The following EPHA6 variants were observed in gnomAD, a reference collection of about 807,000 sequenced individuals.
The protein encoded by EPHA6 is EPH receptor A6.
A neutral mutation model predicts 112.0 loss-of-function variants in EPHA6; 50 were observed. That is an observed-to-expected ratio of 0.45 (90% CI 0.36 to 0.56). EPHA6 has a LOEUF of 0.56. Ranked by LOEUF, EPHA6 falls within the 20% of genes least tolerant of loss-of-function variation. The pLI, the probability that EPHA6 is intolerant of heterozygous loss-of-function variation, is 0.00. For missense variants in EPHA6, 1,280 were observed against 1,417.4 expected, an observed-to-expected ratio of 0.90 and a Z score of 1.56; for synonymous variants, 529 against 490.7, an observed-to-expected ratio of 1.08 and a Z score of -1.03.
intron 6 of EPHA6, among the ~76,000 whole-genome samples, chr3:97,410,118 A>C (rs991372301): frequency 1.3e-5 from 2 of 152,192 alleles, no homozygotes; most frequent in Non-Finnish European, 1.5e-5. Flanking sequence ...TTGAAGTCTT[A>C]GTGTCTTTTC....
At chr3:97,695,961 T>C (rs1213137458) in intron 14 of EPHA6, among the ~76,000 whole-genome samples, 1 of 152,236 alleles carries the variant, frequency 6.6e-6, no homozygotes, top group East Asian at 1.9e-4. Context: ...ATCACTTTTC[T>C]TATAGAATCT....
Position 97,406,289 on chromosome 3 carries a change from T to C in EPHA6, c.1731+1015T>C, listed in dbSNP as rs1047216139. ...TAATAAACAGAAATTTATTGGCTTA[T>C]GGTTCTGGAGACGAAGAAGTCTGAG... is the stretch of plus-strand genomic sequence containing the variant. On this transcript the variant is annotated intron_variant, in intron 6 of 17. Transcript: ENST00000389672. 3.3e-5 allele frequency among the ~76,000 whole-genome samples: 5 copies of C among 152,278 alleles called. No homozygotes were observed. In the South Asian group the frequency reaches 6.2e-4, roughly 19 times the overall value.
At chr3:97,009,966 G>A (rs766856992) in intron 3 of EPHA6, 2 of 645,144 alleles carry the variant, frequency 3.1e-6, no homozygotes, top group South Asian at 3.0e-5. Flanking sequence ...GCCGTTGAAG[G>A]ATTCACATGC....
intron 3 of EPHA6, among the ~76,000 whole-genome samples, chr3:97,178,814 C>T (rs896744383): frequency 2.0e-5 from 3 of 152,000 alleles, no homozygotes; most frequent in Non-Finnish European, 4.4e-5. Context: ...TCATTAAATG[C>T]CTTGAGGTAG....
rs68128372 is a variant in EPHA6, at chr3:97,458,067, CAAAAAAAAAAAAAA to C, written c.1894+9350_1894+9363del. 5.9e-5 allele frequency among the ~76,000 whole-genome samples: 3 copies of C among 50,576 alleles called. No individual in the cohort carries two copies. In the Admixed American group the frequency reaches 1.1e-3, roughly 18 times the overall value. The allele number at this position is 50,576 out of a possible 152,430, so 33.2% of individuals were successfully genotyped here. Reference sequence around the variant, plus strand: ...TGGGCGACAGTGCGAGACTCCGTCTCAAAAAAAAAAAAAAAAAAAAAAAAAAGCAGCTTAAGTAT... The same window carrying C: ...TGGGCGACAGTGCGAGACTCCGTCTCAAAAAAAAAAAAGCAGCTTAAGTAT... On this transcript the variant is annotated intron_variant, in intron 7 of 17. Transcript: ENST00000389672.
chr3:97,704,377 TTC>T (rs1471548793), intron 14 of EPHA6, among the ~76,000 whole-genome samples: 1 of 152,112 alleles, frequency 6.6e-6, no homozygotes, highest in Non-Finnish European at 1.5e-5. Flanking sequence ...GAACGGTGAA[TTC>T]TCTTTCTCTT....
intron 11 of EPHA6, among the ~76,000 whole-genome samples, chr3:97,560,044 A>G (rs1168040196): frequency 6.6e-6 from 1 of 151,650 alleles, no homozygotes; most frequent in Admixed American, 6.6e-5. Context: ...GAAAAAAAAG[A>G]AAAAAATCCC....
intron 5 of EPHA6, among the ~76,000 whole-genome samples, chr3:97,364,591 A>G (rs939681972): frequency 2.0e-5 from 3 of 152,078 alleles, no homozygotes; most frequent in Admixed American, 6.6e-5. Context: ...ACAATATAAA[A>G]ACATAATTTA....
At chr3:97,641,091 T>C (rs1234515996) in intron 14 of EPHA6, among the ~76,000 whole-genome samples, 1 of 152,188 alleles carries the variant, frequency 6.6e-6, no homozygotes, top group Admixed American at 6.5e-5. Flanking sequence ...ATGCTGTTAA[T>C]CAAGACAGAG....
intron 5 of EPHA6, among the ~76,000 whole-genome samples, chr3:97,348,506 AC>A (rs1364936557): frequency 1.3e-5 from 2 of 151,858 alleles, no homozygotes; most frequent in Non-Finnish European, 2.9e-5. Flanking sequence ...TTAGGTAGTA[AC>A]TTTTTCAGGT....
At chr3:97,567,530 C>T (rs537986468) in intron 11 of EPHA6, among the ~76,000 whole-genome samples, 2 of 152,270 alleles carry the variant, frequency 1.3e-5, no homozygotes, top group South Asian at 2.1e-4. Context: ...TGTTGATGTC[C>T]TCCCCAATAC....
rs201429198 is a variant in EPHA6, at chr3:96,994,804, A to ATG, written c.1114+6812_1114+6813insGT. ...AGGCTGAGAATATGTGTGTGTATAT[A>ATG]TATATATAGAGAGAGAGAGAGAGAG... On this transcript the variant is annotated intron_variant, in intron 3 of 17. Coordinates refer to ENST00000389672, the MANE Select transcript of EPHA6 (RefSeq NM_001080448.3). Among the ~76,000 whole-genome samples the ATG allele has an allele frequency of 4.0e-3, 592 of 146,960 alleles. 6 individuals are homozygous for ATG. The highest frequency in any genetic ancestry group is 0.013 in the African/African-American group (532 of 39,616).
At chr3:96,926,646 A>G (rs1425674924) in intron 2 of EPHA6, among the ~76,000 whole-genome samples, 1 of 152,250 alleles carries the variant, frequency 6.6e-6, no homozygotes, top group African/African-American at 2.4e-5. Flanking sequence ...CAAAGGGGCT[A>G]CAGGCCCCAT....
intron 5 of EPHA6, among the ~76,000 whole-genome samples, chr3:97,342,074 C>A (rs750119200): frequency 6.6e-6 from 1 of 152,084 alleles, no homozygotes; most frequent in South Asian, 2.1e-4. Flanking sequence ...AAGATAACTG[C>A]GGAACTGTGG....
intron 11 of EPHA6, among the ~76,000 whole-genome samples, chr3:97,567,106 G>A (rs1471281388): frequency 1.3e-5 from 2 of 152,184 alleles, no homozygotes; most frequent in African/African-American, 2.4e-5. Flanking sequence ...TTCTACAAAT[G>A]ATTTCACATC....
intron 5 of EPHA6, among the ~76,000 whole-genome samples, chr3:97,361,393 G>A (rs2084366067): frequency 6.6e-6 from 1 of 152,152 alleles, no homozygotes; most frequent in African/African-American, 2.4e-5. Context: ...CCAGGTTCAG[G>A]AACAGTTGCC....
At chr3:97,192,608 T>C (rs1275143067) in intron 3 of EPHA6, among the ~76,000 whole-genome samples, 1 of 152,192 alleles carries the variant, frequency 6.6e-6, no homozygotes, top group Admixed American at 6.5e-5. Context: ...TTTCCTTTAC[T>C]GTGCAGAAGC....
intron 5 of EPHA6, among the ~76,000 whole-genome samples, chr3:97,390,428 T>C (rs1307127672): frequency 7.9e-5 from 12 of 151,830 alleles, no homozygotes; most frequent in African/African-American, 2.7e-4. Context: ...ATATATGATA[T>C]GTATATTCCA....
At chr3:96,865,427 A>G (rs754231243) in intron 1 of EPHA6, among the ~76,000 whole-genome samples, 31 of 152,030 alleles carry the variant, frequency 2.0e-4, no homozygotes, top group Admixed American at 6.6e-4. Context: ...CACACCTGTA[A>G]TCCCAGCACT....
Sources: gnomAD v4.1 joint callset for allele counts (sites outside exome capture counted in the v4.1 genomes callset) on GRCh38, gnomAD v4.1.1 for gene constraint, MANE v1.5 for transcripts, NCBI Gene and HGNC (gene_info 2026-07-23, HGNC 2026-07-21) for gene names.